CLNS1A: variants seen among roughly 807,000 people sequenced by gnomAD.
CLNS1A encodes the protein chloride nucleotide-sensitive channel 1A.
CLNS1A carries 16 observed loss-of-function variants against 29.4 expected under a neutral mutation model. The observed-to-expected ratio is 0.54, with a 90% CI of 0.37 to 0.83. The LOEUF is 0.83. Among genes scored for constraint, CLNS1A ranks in the 40% least tolerant of loss-of-function variants. The pLI, the probability that CLNS1A is intolerant of heterozygous loss-of-function variation, is 0.00. For synonymous variants in CLNS1A, 96 were observed against 104.8 expected, an observed-to-expected ratio of 0.92 and a Z score of 0.51; for missense variants, 235 against 287.4, an observed-to-expected ratio of 0.82 and a Z score of 1.32.
At chr11:77,629,539 G>A (rs1281432882) in intron 2 of CLNS1A, among the ~76,000 whole-genome samples, 5 of 151,700 alleles carry the variant, frequency 3.3e-5, no homozygotes, top group South Asian at 2.1e-4. Context: ...GACTACAGGC[G>A]CCCACCACCA....
In CLNS1A at chr11:77,637,690, G is replaced by C; in HGVS notation, c.25C>G (p.Pro9Ala). 1.9e-6 allele frequency: 3 copies of C among 1,560,944 alleles called. No individual in the cohort carries two copies. Among genetic ancestry groups the C allele is most frequent in the Non-Finnish European group, 2.6e-6 (3 of 1,152,664 alleles). MSFLKSFPPPGPAEGLLRQ... is the reference protein window; with the variant it reads MSFLKSFPAPGPAEGLLRQ... Reference sequence around the variant, plus strand: ...AGGAGCCCCTCCGCTGGCCCAGGCGGCGGGAAACTTTTGAGGAAGCTCATA... The same window carrying C: ...AGGAGCCCCTCCGCTGGCCCAGGCGCCGGGAAACTTTTGAGGAAGCTCATA... Residue 9 changes from proline (P) to alanine (A), a missense_variant, in exon 1 of 7, where the codon CCG (proline) becomes GCG (alanine). Pro to Ala is a conservative substitution (Grantham distance 27, BLOSUM62 -1). Coordinates refer to ENST00000525428, the MANE Select transcript of CLNS1A (RefSeq NM_001293.3).
At chr11:77,626,512 G>A (rs938320917) in intron 2 of CLNS1A, among the ~76,000 whole-genome samples, 1 of 151,900 alleles carries the variant, frequency 6.6e-6, no homozygotes, top group African/African-American at 2.4e-5. Context: ...GGTGGCAGGC[G>A]CCTATAATCC....
In CLNS1A at chr11:77,619,633, G is replaced by C; in HGVS notation, c.709C>G (p.His237Asp). The C allele has an allele frequency of 6.2e-7, 1 of 1,612,046 alleles. No individual in the cohort carries two copies. ...AGQFEDADVD[H>D] ...TAAACTTGCATAAATCATTTTCAGT[G>C]ATCAACATCTGCATCCTCAAACTGT... The change falls in exon 6 of 7, where the codon CAC becomes GAC. Residue 237 changes from histidine (H) to aspartate (D), a missense_variant. Physicochemically the swap from His to Asp is moderately conservative, Grantham distance 81 (BLOSUM62 -1). Coordinates refer to ENST00000525428, the MANE Select transcript of CLNS1A (RefSeq NM_001293.3).
chr11:77,637,513 G>T, intron 1 of CLNS1A, 77 bp downstream of exon 1: 2 of 1,484,118 alleles, frequency 1.3e-6, no homozygotes, highest in Admixed American at 2.4e-5. Flanking sequence ...CCCCTTGCCC[G>T]GCTCCTTCGC....
intron 6 of CLNS1A, among the ~76,000 whole-genome samples, chr11:77,617,790 C>T (rs1225396352): frequency 5.3e-5 from 8 of 151,812 alleles, no homozygotes; most frequent in East Asian, 1.9e-4. Context: ...TGGTGGCGCG[C>T]GTCTGTAGTT....
chr11:77,637,794 G>C lies in CLNS1A; in HGVS notation c.-80C>G, dbSNP rs147163611. 2.8e-6 allele frequency: 4 copies of C among 1,444,274 alleles called. No homozygotes were observed. Among genetic ancestry groups the C allele is most frequent in the South Asian group, 1.4e-5 (1 of 71,224 alleles). The allele number at this position is 1,444,274 out of a possible 1,614,324, so 89.5% of individuals were successfully genotyped here. Reference sequence around the variant, plus strand: ...GCACCACACCGCCCGCCCTGGAAGAGGCAGTCACCCCGGAAGAACAACTTA... The same window carrying C: ...GCACCACACCGCCCGCCCTGGAAGACGCAGTCACCCCGGAAGAACAACTTA... On this transcript the variant is annotated 5_prime_UTR_variant, in exon 1 of 7. Transcript: ENST00000525428.
chr11:77,636,634 A>G (rs910820590), intron 1 of CLNS1A, among the ~76,000 whole-genome samples: 1 of 152,230 alleles, frequency 6.6e-6, no homozygotes, highest in African/African-American at 2.4e-5. Flanking sequence ...TTACACAGCA[A>G]AAGGGACTTC....
In CLNS1A at chr11:77,625,051, T is replaced by C. The variant is rs778688458; in HGVS notation, c.384A>G (p.Ala128=). ...GATGCAAGGCCTGGCATTCGCACAT[T>C]GCAGTGAACATTGCCTCCACTGAAC... The part of the protein sequence containing the change: ...DKSALEAMFT[A]MCECQALHPD... Residue 128 remains alanine (A), a synonymous_variant, in exon 4 of 7, where the codon GCA becomes GCG. Transcript: ENST00000525428. The C allele has an allele frequency of 3.7e-6, 6 of 1,612,830 alleles. No homozygotes were observed. The highest frequency in any genetic ancestry group is 1.3e-5 in the African/African-American group (1 of 74,896).
At chr11:77,629,936 G>C (rs1431485317) in intron 1 of CLNS1A, 37 bp from the exon 2 acceptor site, 5 of 1,606,838 alleles carry the variant, frequency 3.1e-6, no homozygotes, top group Admixed American at 1.7e-5. Context: ...TTTTTAGAAA[G>C]TAAATCCTCA....
rs540769061 is a variant in CLNS1A, at chr11:77,637,465, C to G, written c.125+125G>C. The G allele has an allele frequency of 5.5e-6, 7 of 1,273,962 alleles. No individual in the cohort carries two copies. In the Admixed American group the frequency reaches 2.1e-4, roughly 38 times the overall value. 78.9% of individuals were successfully genotyped at this position (1,273,962 alleles called of 1,614,324 possible). On this transcript the variant is annotated intron_variant, in intron 1 of 6. Coordinates refer to ENST00000525428, the MANE Select transcript of CLNS1A (RefSeq NM_001293.3). The stretch of plus-strand genomic sequence containing the variant: ...CCCGCTACAGGTATCCCTGAGGCGT[C>G]GGGCACGAGACCCCGCTCCCAGCAG...
At chr11:77,620,076 T>G (rs1958941404) in intron 5 of CLNS1A, among the ~76,000 whole-genome samples, 1 of 152,202 alleles carries the variant, frequency 6.6e-6, no homozygotes, top group African/African-American at 2.4e-5. Context: ...TTTTTGCTTA[T>G]TTCCCTGTTT....
At position 77,632,378 on chromosome 11, in the gene CLNS1A, A is replaced by G. The variant is rs1489383533; in HGVS notation, c.126-2479T>C. Reference sequence around the variant, plus strand: ...AGAGCCATAAAACTTGAATGACTCAATGACGACATGGAAAAACTGAAACCT... The same window carrying G: ...AGAGCCATAAAACTTGAATGACTCAGTGACGACATGGAAAAACTGAAACCT... On this transcript the variant is annotated intron_variant, in intron 1 of 6. Transcript: ENST00000525428. Among the ~76,000 whole-genome samples, 80 of 152,362 alleles carry G rather than the reference A, an allele frequency of 5.3e-4. 1 individual carries two copies. Among genetic ancestry groups the G allele is most frequent in the Admixed American group, 5.2e-3 (79 of 15,300 alleles).
chr11:77,626,868 A>AT (rs113013355), intron 2 of CLNS1A, among the ~76,000 whole-genome samples: 24,592 of 148,848 alleles, frequency 0.17, 2,475 homozygotes, highest in African/African-American at 0.26. Context: ...ATTTTTTTGT[A>AT]TTTTTTTTAG....
intron 5 of CLNS1A, chr11:77,621,760 G>A (rs749365831): frequency 1.4e-5 from 4 of 284,818 alleles, no homozygotes; most frequent in Admixed American, 3.9e-5. Context: ...TTTTTTAGAT[G>A]AGATTAGCCT....
intron 2 of CLNS1A, among the ~76,000 whole-genome samples, chr11:77,626,364 G>A (rs1336756824): frequency 6.6e-6 from 1 of 152,102 alleles, no homozygotes; most frequent in African/African-American, 2.4e-5. Context: ...ATTGTGGCTG[G>A]GCACGGTGGC....
In CLNS1A at chr11:77,637,730, C is replaced by G; in HGVS notation, c.-16G>C. The G allele has an allele frequency of 6.4e-7, 1 of 1,552,146 alleles. No individual in the cohort carries two copies. Among genetic ancestry groups the G allele is most frequent in the Non-Finnish European group, 8.7e-7 (1 of 1,147,324 alleles). On this transcript the variant is annotated 5_prime_UTR_variant, in exon 1 of 7. Coordinates refer to ENST00000525428, the MANE Select transcript of CLNS1A (RefSeq NM_001293.3). ...GGAAGCTCATAGCAGCAGAGTGCGG[C>G]AACACAGGCCCTGAGGGAGTTGGAG...
intron 4 of CLNS1A, among the ~76,000 whole-genome samples, chr11:77,623,720 T>C (rs958138162): frequency 6.6e-6 from 1 of 151,970 alleles, no homozygotes; most frequent in Non-Finnish European, 1.5e-5. Flanking sequence ...ATCCCAGAAA[T>C]GTGTTTATCT....
intron 5 of CLNS1A, among the ~76,000 whole-genome samples, chr11:77,620,496 C>G (rs1295060210): frequency 6.6e-6 from 1 of 152,152 alleles, no homozygotes; most frequent in Non-Finnish European, 1.5e-5. Flanking sequence ...CTAATACAAG[C>G]CCCACGGAAA....
rs1015358916 is a variant in CLNS1A at position 77,614,532 on chromosome 11, A to C, written c.*2186T>G. 6.6e-6 allele frequency: 1 copy of C among 152,134 alleles called. No homozygotes were observed. Among genetic ancestry groups the C allele is most frequent in the Admixed American group, 6.6e-5 (1 of 15,250 alleles). The allele number at this position is 152,134 out of a possible 1,614,324, so 9.4% of individuals were successfully genotyped here. On this transcript the variant is annotated 3_prime_UTR_variant, in exon 7 of 7. Transcript: ENST00000525428. ...TGGCTAATTTTTGTATTTTCAGTAG[A>C]GATGGGTTTTCACCGTATTGGCCAG... is the stretch of plus-strand genomic sequence containing the variant.
Sources: allele counts gnomAD v4.1 joint callset (sites outside exome capture counted in the v4.1 genomes callset), GRCh38; gene constraint gnomAD v4.1.1; transcripts MANE v1.5; gene names NCBI Gene and HGNC (gene_info 2026-07-23, HGNC 2026-07-21).